Variants in PCSK5 observed in about 807,000 individuals in gnomAD.
The protein encoded by PCSK5 is prohormone convertase 5.
A neutral mutation model predicts 233.2 loss-of-function variants in PCSK5; 129 were observed. That is an observed-to-expected ratio of 0.55 (90% CI 0.48 to 0.64). The LOEUF is 0.64. PCSK5 is among the 30% of genes least tolerant of loss of function. PCSK5 has a pLI of 0.00. For missense variants in PCSK5, 2,076 were observed against 2,430.1 expected (o/e 0.85, Z 3.06); for synonymous variants, 825 against 879.2 (o/e 0.94, Z 1.09).
chr9:76,029,884 C>A (rs1054869396), intron 5 of PCSK5, among the ~76,000 whole-genome samples: 2 of 152,160 alleles, frequency 1.3e-5, no homozygotes, highest in African/African-American at 4.8e-5. Context: ...CCATTCCAGT[C>A]AAAGCCTTGG....
chr9:76,300,649 T>C (rs993087235), intron 27 of PCSK5, among the ~76,000 whole-genome samples: 1 of 152,232 alleles, frequency 6.6e-6, no homozygotes, highest in Admixed American at 6.5e-5. Flanking sequence ...TGAAAAATTC[T>C]AAAGCCTATG....
intron 9 of PCSK5, among the ~76,000 whole-genome samples, chr9:76,130,289 C>T (rs549013321): frequency 4.6e-5 from 7 of 152,180 alleles, no homozygotes; most frequent in African/African-American, 7.2e-5. Flanking sequence ...CATGAGGACG[C>T]GACGTGCCAT....
intron 12 of PCSK5, among the ~76,000 whole-genome samples, chr9:76,164,526 C>T (rs147461068): frequency 6.6e-6 from 1 of 152,316 alleles, no homozygotes; most frequent in African/African-American, 2.4e-5. Flanking sequence ...GCACCTGGTA[C>T]ATGACTCTAT....
chr9:76,040,630 C>G (rs1829077746), intron 5 of PCSK5, among the ~76,000 whole-genome samples: 1 of 152,122 alleles, frequency 6.6e-6, no homozygotes, highest in Admixed American at 6.5e-5. Context: ...AAGGCAGGCT[C>G]TCACATAGCT....
At chr9:75,992,909 G>A (rs991469347) in intron 3 of PCSK5, among the ~76,000 whole-genome samples, 1 of 152,160 alleles carries the variant, frequency 6.6e-6, no homozygotes, top group African/African-American at 2.4e-5. Flanking sequence ...TCGGTTATGC[G>A]TGTGGGGCAT....
At chr9:75,936,657 C>T (rs1824068681) in intron 2 of PCSK5, among the ~76,000 whole-genome samples, 1 of 152,204 alleles carries the variant, frequency 6.6e-6, no homozygotes, top group African/African-American at 2.4e-5. Flanking sequence ...CATATCACAT[C>T]TGCAGTGACT....
rs560643165 is a variant in PCSK5, at chr9:76,203,832, T to C, written c.2626+14086T>C. 9.8e-5 allele frequency among the ~76,000 whole-genome samples: 15 copies of C among 152,292 alleles called. 1 individual carries two copies. In the South Asian group the frequency reaches 3.1e-3, roughly 32 times the overall value. ...ATCCCAAGTTGATCTTTTCAAGACA[T>C]GGTTCAATGTCATAGTTACTATCAC... On this transcript the variant is annotated intron_variant, in intron 20 of 37. Coordinates refer to ENST00000674117, the MANE Select transcript of PCSK5 (RefSeq NM_001372043.1).
chr9:76,227,431 T>G, intron 20 of PCSK5, 72 bp from the exon 21 acceptor site: 1 of 1,033,888 alleles, frequency 9.7e-7, no homozygotes, highest in South Asian at 1.4e-5. Context: ...GAGATCTGGC[T>G]GCTCTCAGAC....
chr9:75,966,913 A>G (rs965123160), intron 2 of PCSK5, among the ~76,000 whole-genome samples: 1 of 152,180 alleles, frequency 6.6e-6, no homozygotes, highest in Non-Finnish European at 1.5e-5. Context: ...TGTTAAAGTT[A>G]TATCTTTAAC....
At chr9:76,235,944 C>G (rs1826239499) in intron 22 of PCSK5, among the ~76,000 whole-genome samples, 4 of 152,196 alleles carry the variant, frequency 2.6e-5, no homozygotes, top group Admixed American at 2.6e-4. Context: ...GCTAAAAATC[C>G]TCCAGCCGGG....
In PCSK5 at chr9:75,891,377, AC is replaced by A; in HGVS notation, c.192+5del. 1 of 1,547,034 alleles carries A rather than the reference AC, an allele frequency of 6.5e-7. No individual in the cohort carries two copies. Among genetic ancestry groups the A allele is most frequent in the Non-Finnish European group, 8.7e-7 (1 of 1,152,902 alleles). On this transcript the variant is annotated splice_donor_5th_base_variant and intron_variant, in intron 1 of 37. Coordinates refer to ENST00000674117, the MANE Select transcript of PCSK5 (RefSeq NM_001372043.1). ...CGGATTCATCAACATAGGACAGGTA[AC>A]GAACTACAGGCTAGCCCAGCCCTCG...
chr9:75,927,817 T>G (rs1053793249), intron 1 of PCSK5, among the ~76,000 whole-genome samples: 5 of 152,194 alleles, frequency 3.3e-5, no homozygotes, highest in African/African-American at 9.7e-5. Flanking sequence ...GGTGATTATT[T>G]TTTGAAATTA....
At chr9:76,236,606 A>G (rs1009898899) in intron 22 of PCSK5, among the ~76,000 whole-genome samples, 1 of 152,222 alleles carries the variant, frequency 6.6e-6, no homozygotes, top group African/African-American at 2.4e-5. Context: ...ATTATCATCC[A>G]TAACTAATTG....
Position 76,296,764 on chromosome 9 carries a change from C to G in PCSK5, c.3422C>G (p.Pro1141Arg). 3.1e-6 allele frequency: 5 copies of G among 1,611,786 alleles called. No homozygotes were observed. The highest frequency in any genetic ancestry group is 4.2e-6 in the Non-Finnish European group (5 of 1,178,930). Residue 1141 changes from proline (P) to arginine (R), a missense_variant, in exon 27 of 38, where the codon CCT becomes CGT. By Grantham distance (103) the Pro-to-Arg change is moderately radical (BLOSUM62 -2). Around this residue, in one of 6 missense-constraint regions of PCSK5, gnomAD observed 1,510 missense variants for 1,538.1 expected, o/e 0.98. Coordinates refer to ENST00000674117, the MANE Select transcript of PCSK5 (RefSeq NM_001372043.1). Reference sequence around the variant, plus strand: ...CGAGCATGCGAAACCTGCACAGGCCCTGGTCATGACGAGTGCAGCAGCTGC... The same window carrying G: ...CGAGCATGCGAAACCTGCACAGGCCGTGGTCATGACGAGTGCAGCAGCTGC... ...CHRACETCTG[P>R]GHDECSSCQE...
rs965100692 is a variant in PCSK5, at chr9:76,328,057, C to T, written c.4388C>T (p.Thr1463Ile). The T allele has an allele frequency of 6.2e-7, 1 of 1,612,850 alleles. No homozygotes were observed. Among genetic ancestry groups the T allele is most frequent in the Non-Finnish European group, 8.5e-7 (1 of 1,179,824 alleles). Residue 1463 changes from threonine (T) to isoleucine (I), a missense_variant, in exon 33 of 38, where the codon ACC (threonine) becomes ATC (isoleucine). Thr to Ile is a moderately conservative substitution (Grantham distance 89). Transcript: ENST00000674117. ...TGCTCATCATCTGGGACCTGCACCA[C>T]CTGTCAGAAAGGCCTGATCATGAAC... ...LTCSSSGTCT[T>I]CQKGLIMNPR...
intron 33 of PCSK5, among the ~76,000 whole-genome samples, chr9:76,331,130 TC>T (rs1029713544): frequency 6.6e-5 from 10 of 152,136 alleles, no homozygotes. Context: ...CTCTACCCTG[TC>T]CCACACCACC....
At chr9:76,168,578 A>G (rs1823188807) in intron 12 of PCSK5, among the ~76,000 whole-genome samples, 1 of 152,204 alleles carries the variant, frequency 6.6e-6, no homozygotes, top group Non-Finnish European at 1.5e-5. Flanking sequence ...AATTCTAGCT[A>G]TTTCAAGCAG....
chr9:76,189,640 C>T lies in PCSK5; in HGVS notation c.2520C>T (p.Ile840=). ...TACATTTTTCTCATAGATGTGATAT[C>T]AGTTGTTTGACGTGCAATGGCCCAG... ...NGYKSCKKCD[I]SCLTCNGPGF... Residue 840 remains isoleucine (I), a synonymous_variant, in exon 20 of 38, where the codon ATC becomes ATT. Transcript: ENST00000674117. 1.9e-6 allele frequency: 3 copies of T among 1,604,954 alleles called. No homozygotes were observed. The highest frequency in any genetic ancestry group is 2.6e-6 in the Non-Finnish European group (3 of 1,171,838).
chr9:76,349,278 A>C (rs1400627243), intron 35 of PCSK5, among the ~76,000 whole-genome samples: 1 of 103,252 alleles, frequency 9.7e-6, no homozygotes, highest in Non-Finnish European at 2.3e-5. Context: ...TGTCTCAAAA[A>C]AAAAAAAAAA....
Sources: gnomAD v4.1 joint callset for allele counts (sites outside exome capture counted in the v4.1 genomes callset) on GRCh38, gnomAD v4.1.1 for gene constraint, gnomAD v4.1.1 regional missense constraint, MANE v1.5 for transcripts, NCBI Gene and HGNC (gene_info 2026-07-23, HGNC 2026-07-21) for gene names.